Variants in PLPPR1 observed in about 807,000 individuals in gnomAD.
The protein encoded by PLPPR1 is phospholipid phosphatase-related protein type 1.
A neutral mutation model predicts 33.1 loss-of-function variants in PLPPR1; 10 were observed. The observed-to-expected ratio is 0.30, with a 90% CI of 0.19 to 0.51. PLPPR1 has a LOEUF of 0.51. Among genes scored for constraint, PLPPR1 ranks in the 20% least tolerant of loss-of-function variants. The pLI is 0.97. For synonymous variants in PLPPR1, 151 were observed against 151.0 expected (o/e 1.00, Z 0.00); for missense variants, 304 against 408.1 (o/e 0.74, Z 2.20).
intron 3 of PLPPR1, among the ~76,000 whole-genome samples, chr9:101,284,306 T>C (rs954405145): frequency 3.3e-5 from 5 of 152,104 alleles, no homozygotes; most frequent in Non-Finnish European, 7.4e-5. Context: ...GGTGACAAGA[T>C]GGATAAACCT....
chr9:101,154,885 C>T lies in PLPPR1; in HGVS notation c.-45-30565C>T, dbSNP rs368092461. ...GACAAAAAACCAAACACCGCATGTTCTCACTCATAGGTGGGAATTGAACAA... is the reference window on the plus strand; with the variant it reads ...GACAAAAAACCAAACACCGCATGTTTTCACTCATAGGTGGGAATTGAACAA... On this transcript the variant is annotated intron_variant, in intron 1 of 7. Coordinates refer to ENST00000374874, the MANE Select transcript of PLPPR1 (RefSeq NM_207299.2). 2.1e-3 allele frequency among the ~76,000 whole-genome samples: 300 copies of T among 146,312 alleles called. 2 individuals carry two copies. The highest frequency in any genetic ancestry group is 7.2e-3 in the African/African-American group (285 of 39,418).
At chr9:101,080,124 CTCTGT>C (rs1830600207) in intron 1 of PLPPR1, among the ~76,000 whole-genome samples, 1 of 151,916 alleles carries the variant, frequency 6.6e-6, no homozygotes, top group Non-Finnish European at 1.5e-5. Flanking sequence ...CTTCTGTTTT[CTCTGT>C]TCTATCTGAT....
intron 1 of PLPPR1, among the ~76,000 whole-genome samples, chr9:101,052,848 G>C (rs906910618): frequency 6.6e-6 from 1 of 152,196 alleles, no homozygotes; most frequent in Non-Finnish European, 1.5e-5. Flanking sequence ...TGGGCATACT[G>C]TCAACTGAGG....
intron 2 of PLPPR1, among the ~76,000 whole-genome samples, chr9:101,252,494 T>A (rs1179510230): frequency 6.6e-6 from 1 of 152,108 alleles, no homozygotes; most frequent in Non-Finnish European, 1.5e-5. Flanking sequence ...AAAGACATTA[T>A]CTTAGTGGCA....
chr9:101,054,257 A>C (rs1830255985), intron 1 of PLPPR1, among the ~76,000 whole-genome samples: 1 of 152,212 alleles, frequency 6.6e-6, no homozygotes, highest in East Asian at 1.9e-4. Flanking sequence ...AAAAACTATT[A>C]ATGTGAATAC....
chr9:101,056,290 TGAA>T (rs969356672), intron 1 of PLPPR1, among the ~76,000 whole-genome samples: 9 of 152,202 alleles, frequency 5.9e-5, no homozygotes, highest in Non-Finnish European at 1.0e-4. Context: ...GTTTGTCAGA[TGAA>T]GGAGTAAGTT....
At chr9:101,067,401 A>T (rs1040742993) in intron 1 of PLPPR1, among the ~76,000 whole-genome samples, 5 of 152,156 alleles carry the variant, frequency 3.3e-5, no homozygotes, top group African/African-American at 1.2e-4. Flanking sequence ...ATTTTGTAAA[A>T]CAAATATGGT....
intron 2 of PLPPR1, among the ~76,000 whole-genome samples, chr9:101,225,281 GTC>G (rs1249792242): frequency 3.3e-5 from 5 of 152,190 alleles, no homozygotes; most frequent in African/African-American, 1.2e-4. Flanking sequence ...GGATCATTAA[GTC>G]AATTTCTTTA....
At chr9:101,055,810 T>C (rs529749495) in intron 1 of PLPPR1, among the ~76,000 whole-genome samples, 61 of 152,322 alleles carry the variant, frequency 4.0e-4, no homozygotes, top group African/African-American at 1.4e-3. Flanking sequence ...AGAGGTACAG[T>C]GAATAGCCGT....
At chr9:101,046,681 G>T (rs1036676808) in intron 1 of PLPPR1, among the ~76,000 whole-genome samples, 1 of 151,880 alleles carries the variant, frequency 6.6e-6, no homozygotes, top group East Asian at 1.9e-4. Flanking sequence ...CTGACCTCGT[G>T]ATCCACCTGC....
At chr9:101,167,926 A>G (rs1460168360) in intron 1 of PLPPR1, among the ~76,000 whole-genome samples, 1 of 152,190 alleles carries the variant, frequency 6.6e-6, no homozygotes, top group Non-Finnish European at 1.5e-5. Flanking sequence ...GAGGTCTCAA[A>G]ATCAAAGGCA....
intron 3 of PLPPR1, among the ~76,000 whole-genome samples, chr9:101,284,757 A>T (rs1318885576): frequency 1.3e-5 from 2 of 152,184 alleles, no homozygotes; most frequent in African/African-American, 4.8e-5. Flanking sequence ...ATCTTTATCC[A>T]TCTAAACAGA....
intron 2 of PLPPR1, among the ~76,000 whole-genome samples, chr9:101,220,781 T>C (rs1041055403): frequency 1.3e-5 from 2 of 152,358 alleles, no homozygotes; most frequent in East Asian, 3.9e-4. Flanking sequence ...CATATGCCCA[T>C]CTCTGAACCA....
intron 2 of PLPPR1, among the ~76,000 whole-genome samples, chr9:101,263,607 T>C (rs562557624): frequency 3.6e-4 from 55 of 152,272 alleles, no homozygotes; most frequent in Non-Finnish European, 6.9e-4. Context: ...GTAACATAGT[T>C]TAGTTCTTAA....
intron 4 of PLPPR1, among the ~76,000 whole-genome samples, chr9:101,289,082 T>A (rs964299221): frequency 2.0e-5 from 3 of 152,202 alleles, no homozygotes; most frequent in Non-Finnish European, 4.4e-5. Flanking sequence ...TCTCCCATCA[T>A]GCTAAACGGC....
chr9:101,100,442 A>G (rs909028007), intron 1 of PLPPR1, among the ~76,000 whole-genome samples: 1 of 151,914 alleles, frequency 6.6e-6, no homozygotes, highest in African/African-American at 2.4e-5. Context: ...CTAAGACTGC[A>G]TTTTCTAGGT....
At chr9:101,179,205 T>G (rs1047977159) in intron 1 of PLPPR1, among the ~76,000 whole-genome samples, 1 of 152,116 alleles carries the variant, frequency 6.6e-6, no homozygotes, top group African/African-American at 2.4e-5. Context: ...TTAAGGTCAA[T>G]GGGAAACTAC....
intron 1 of PLPPR1, among the ~76,000 whole-genome samples, chr9:101,045,798 A>G (rs558135044): frequency 6.6e-6 from 1 of 152,296 alleles, no homozygotes; most frequent in East Asian, 1.9e-4. Context: ...AACCTCTCTA[A>G]CCTTCAATTT....
chr9:101,062,467 C>T (rs532628295), intron 1 of PLPPR1, among the ~76,000 whole-genome samples: 10 of 151,892 alleles, frequency 6.6e-5, no homozygotes, highest in African/African-American at 2.2e-4. Context: ...AATAAGCAAA[C>T]CTTTTGATAG....
Sources: allele counts gnomAD v4.1 joint callset (sites outside exome capture counted in the v4.1 genomes callset), GRCh38; gene constraint gnomAD v4.1.1; transcripts MANE v1.5; gene names NCBI Gene and HGNC (gene_info 2026-07-23, HGNC 2026-07-21).